Variants in DIAPH2 observed in about 807,000 individuals in gnomAD.
DIAPH2 encodes protein diaphanous homolog 2.
A neutral mutation model predicts 92.7 loss-of-function variants in DIAPH2; 35 were observed. That is an observed-to-expected ratio of 0.38 (90% CI 0.29 to 0.50). DIAPH2 has a LOEUF of 0.50. Ranked by LOEUF, DIAPH2 falls within the 20% of genes least tolerant of loss-of-function variation. DIAPH2 has a pLI of 0.94. For synonymous variants in DIAPH2, 301 were observed against 280.4 expected (o/e 1.07, Z -0.73); for missense variants, 701 against 819.5 (o/e 0.86, Z 1.77).
chrX:96,957,734 GATAA>G (rs1369921094), intron 15 of DIAPH2, 90 bp from the exon 16 acceptor site: 73 of 655,423 alleles, frequency 1.1e-4, no homozygotes, highest in Middle Eastern at 8.6e-4. Flanking sequence ...TAAAACATAA[GATAA>G]ATAAACTACA....
intron 26 of DIAPH2, among the ~76,000 whole-genome samples, chrX:97,547,987 G>A (rs1050999412): frequency 1.8e-5 from 2 of 111,773 alleles, no homozygotes; most frequent in African/African-American, 6.5e-5. Flanking sequence ...AAGCCTGTCG[G>A]GACTAAGTTG....
At chrX:97,312,510 C>T (rs975959899) in intron 23 of DIAPH2, among the ~76,000 whole-genome samples, 5 of 108,590 alleles carry the variant, frequency 4.6e-5, no homozygotes, top group Admixed American at 1.0e-4. Context: ...CCACCACGCC[C>T]GGCTAATTTT....
chrX:97,157,331 TAATATAATAATAATA>T (rs1414039796), intron 22 of DIAPH2, among the ~76,000 whole-genome samples: 3 of 57,627 alleles, frequency 5.2e-5, no homozygotes, highest in Non-Finnish European at 1.1e-4. Context: ...ATAATAATAA[TAATATAATAATAATA>T]ATAATAATGA....
intron 23 of DIAPH2, among the ~76,000 whole-genome samples, chrX:97,300,840 G>T (rs1293349411): frequency 2.0e-5 from 2 of 98,263 alleles, no homozygotes; most frequent in Non-Finnish European, 4.1e-5. Context: ...GCTGAGGCAG[G>T]AGAATGGCGT....
intron 16 of DIAPH2, among the ~76,000 whole-genome samples, chrX:96,962,827 C>T (rs963133349): frequency 9.1e-5 from 10 of 109,567 alleles, no homozygotes; most frequent in Admixed American, 2.0e-4. Flanking sequence ...TTTGTGTATC[C>T]GTTGTTTTTT....
chrX:96,697,078 A>G (rs187384376), intron 1 of DIAPH2, among the ~76,000 whole-genome samples: 1 of 109,594 alleles, frequency 9.1e-6, no homozygotes, highest in African/African-American at 3.3e-5. Flanking sequence ...AGTCAGCTTG[A>G]TCTTTGGGGT....
At chrX:97,103,297 G>A (rs997046827) in intron 20 of DIAPH2, among the ~76,000 whole-genome samples, 1 of 111,701 alleles carries the variant, frequency 9.0e-6, no homozygotes, top group African/African-American at 3.3e-5. Flanking sequence ...CTGGAAAGGA[G>A]TGGATAGATG....
At chrX:96,685,477 G>C (rs2063765977) in intron 1 of DIAPH2, among the ~76,000 whole-genome samples, 1 of 113,114 alleles carries the variant, frequency 8.8e-6, no homozygotes. Context: ...CGAGTACTGG[G>C]TAGGGCTGTT....
intron 5 of DIAPH2, among the ~76,000 whole-genome samples, chrX:96,883,387 T>G (rs760165974): frequency 9.8e-6 from 1 of 102,429 alleles, no homozygotes. Context: ...TTGTTTTTTG[T>G]TTTTTTTTTT....
At chrX:96,854,096 A>T (rs887856612) in intron 4 of DIAPH2, among the ~76,000 whole-genome samples, 1 of 111,587 alleles carries the variant, frequency 9.0e-6, no homozygotes. Flanking sequence ...GTACTAGAGT[A>T]TTGGTAAAAT....
chrX:96,895,084 A>T (rs1723578441), intron 5 of DIAPH2, among the ~76,000 whole-genome samples: 1 of 103,408 alleles, frequency 9.7e-6, no homozygotes, highest in South Asian at 4.5e-4. Context: ...GCTCACTGCA[A>T]CCTCTGCCTC....
intron 17 of DIAPH2, among the ~76,000 whole-genome samples, chrX:97,070,049 A>T (rs12556593): frequency 1.8e-5 from 2 of 111,675 alleles, no homozygotes; most frequent in African/African-American, 3.2e-5. Flanking sequence ...TGATGTTAAC[A>T]TATCTTTAAT....
chrX:97,386,771 T>C (rs1191062816), intron 25 of DIAPH2, among the ~76,000 whole-genome samples: 4 of 108,787 alleles, frequency 3.7e-5, no homozygotes. Context: ...AGGGGACAGA[T>C]TGTGAGCTCT....
intron 4 of DIAPH2, among the ~76,000 whole-genome samples, chrX:96,775,353 T>TGTGTGTG (rs2064369168): frequency 4.5e-5 from 4 of 89,364 alleles, no homozygotes; most frequent in Non-Finnish European, 8.9e-5. Flanking sequence ...CAACGTGTGC[T>TGTGTGTG]TGTGTGTGTG....
chrX:96,758,058 A>G (rs2064243006), intron 3 of DIAPH2, 96 bp from the exon 4 acceptor site: 1 of 761,147 alleles, frequency 1.3e-6, no homozygotes, highest in Non-Finnish European at 1.8e-6. Flanking sequence ...ATGAATTAGT[A>G]TTTTAAGACA....
intron 4 of DIAPH2, among the ~76,000 whole-genome samples, chrX:96,787,673 A>G (rs916892087): frequency 9.1e-5 from 9 of 98,739 alleles, no homozygotes; most frequent in Non-Finnish European, 1.4e-4. Context: ...GATGGTAGAC[A>G]TTACTCTTTT....
At chrX:97,217,729 C>T (rs1602424955) in intron 22 of DIAPH2, among the ~76,000 whole-genome samples, 1 of 111,823 alleles carries the variant, frequency 8.9e-6, no homozygotes, top group East Asian at 2.8e-4. Flanking sequence ...AGGCGGATCA[C>T]GAGGTCAAGA....
intron 23 of DIAPH2, among the ~76,000 whole-genome samples, chrX:97,287,743 A>C (rs2068554874): frequency 9.5e-6 from 1 of 105,320 alleles, no homozygotes; most frequent in African/African-American, 3.5e-5. Flanking sequence ...AAAAAAAAGT[A>C]AAGAAAAGAA....
intron 3 of DIAPH2, 88 bp from the exon 4 acceptor site, chrX:96,758,066 A>T: frequency 7.6e-6 from 6 of 790,929 alleles, no homozygotes; most frequent in Non-Finnish European, 3.5e-6. Context: ...GTATTTTAAG[A>T]CATAGAAATT....
Sources: allele counts gnomAD v4.1 joint callset (sites outside exome capture counted in the v4.1 genomes callset), GRCh38; gene constraint gnomAD v4.1.1; transcripts MANE v1.5; gene names NCBI Gene and HGNC (gene_info 2026-07-23, HGNC 2026-07-21).